Variants in TACC2 observed in about 807,000 individuals in gnomAD.
TACC2 encodes transforming acidic coiled-coil-containing protein 2.
TACC2 carries 137 observed loss-of-function variants against 227.3 expected under a neutral mutation model. The observed-to-expected ratio is 0.60, with a 90% CI of 0.52 to 0.69. The LOEUF is 0.69. Ranked by LOEUF, TACC2 falls within the 30% of genes least tolerant of loss-of-function variation. TACC2 has a pLI of 0.00. For synonymous variants in TACC2, 1,523 were observed against 1,487.5 expected, an observed-to-expected ratio of 1.02 and a Z score of -0.55; for missense variants, 3,470 against 3,694.4, an observed-to-expected ratio of 0.94 and a Z score of 1.57.
In TACC2 at chr10:121,990,227, G is replaced by A. The variant is rs527383202; in HGVS notation, c.-46+739G>A. On this transcript the variant is annotated intron_variant, in intron 1 of 22. Transcript: ENST00000369005. ...CCGGGCTAACGCAATCCTCCCACCA[G>A]GAGCAATCCTCTCAAGTAGTTGGAA... 2.6e-5 allele frequency among the ~76,000 whole-genome samples: 4 copies of A among 151,754 alleles called. No homozygotes were observed. The South Asian group carries it at 8.3e-4, about 32-fold the overall frequency.
intron 22 of TACC2, among the ~76,000 whole-genome samples, chr10:122,250,829 C>G (rs2096240646): frequency 1.3e-5 from 2 of 152,038 alleles, no homozygotes; most frequent in Non-Finnish European, 2.9e-5. Flanking sequence ...TGATACTCAC[C>G]CAGTCTCCAC....
At chr10:122,196,942 A>AAC in intron 8 of TACC2, among the ~76,000 whole-genome samples, 1 of 150,316 alleles carries the variant, frequency 6.7e-6, no homozygotes, top group South Asian at 2.1e-4. Context: ...TCAAAAAAAA[A>AAC]AAAAAAAAAC....
chr10:122,091,816 G>A (rs1267196695), intron 5 of TACC2, among the ~76,000 whole-genome samples: 3 of 152,216 alleles, frequency 2.0e-5, no homozygotes, highest in African/African-American at 7.2e-5. Context: ...GAGGCTGGGT[G>A]ACCAGACTTC....
intron 19 of TACC2, among the ~76,000 whole-genome samples, chr10:122,246,056 A>G (rs1405247669): frequency 6.6e-6 from 1 of 152,094 alleles, no homozygotes; most frequent in Non-Finnish European, 1.5e-5. Context: ...TCGCAGAGGC[A>G]GGTGGGAAGG....
chr10:122,207,710 T>C (rs1297153941), intron 8 of TACC2, among the ~76,000 whole-genome samples: 1 of 152,238 alleles, frequency 6.6e-6, no homozygotes, highest in East Asian at 1.9e-4. Flanking sequence ...AAAGCCATGC[T>C]AAGCAGGCAG....
chr10:122,066,915 A>G (rs2077451253), intron 3 of TACC2, among the ~76,000 whole-genome samples: 1 of 152,178 alleles, frequency 6.6e-6, no homozygotes, highest in South Asian at 2.1e-4. Context: ...CTACTTTCAC[A>G]ATGATTATAT....
chr10:122,017,818 C>CAAAAAAAAAA (rs5788525), intron 1 of TACC2, among the ~76,000 whole-genome samples: 8 of 74,930 alleles, frequency 1.1e-4, no homozygotes, highest in Admixed American at 1.8e-4. Flanking sequence ...GAAACTGTCT[C>CAAAAAAAAAA]AAAAAAAAAA....
At chr10:122,202,438 GATT>G (rs1160663024) in intron 8 of TACC2, among the ~76,000 whole-genome samples, 2 of 141,662 alleles carry the variant, frequency 1.4e-5, no homozygotes, top group East Asian at 4.1e-4. Context: ...GAGGTCCTCT[GATT>G]GTTCTTTATT....
At chr10:122,121,165 G>A (rs2085705902) in intron 5 of TACC2, among the ~76,000 whole-genome samples, 1 of 152,232 alleles carries the variant, frequency 6.6e-6, no homozygotes, top group South Asian at 2.1e-4. Context: ...GTGCAGGAGA[G>A]GCGGGAGGGA....
intron 1 of TACC2, among the ~76,000 whole-genome samples, chr10:122,007,181 A>C (rs35855698): frequency 0.31 from 47,443 of 151,820 alleles, 7,724 homozygotes; most frequent in African/African-American, 0.34. Flanking sequence ...ATTTTTTTTA[A>C]TGTCGTTTAT....
chr10:122,106,613 C>T (rs1048623879), intron 5 of TACC2, among the ~76,000 whole-genome samples: 4 of 152,210 alleles, frequency 2.6e-5, no homozygotes, highest in African/African-American at 9.6e-5. Context: ...TTGTATTCTG[C>T]AGGACTCCTT....
chr10:122,132,322 G>C (rs931548052), intron 5 of TACC2, among the ~76,000 whole-genome samples: 2 of 152,206 alleles, frequency 1.3e-5, no homozygotes, highest in African/African-American at 4.8e-5. Flanking sequence ...GAGGCATGCA[G>C]ATCACCTGAA....
chr10:122,089,559 G>T (rs531071637), intron 5 of TACC2, among the ~76,000 whole-genome samples: 2 of 152,234 alleles, frequency 1.3e-5, no homozygotes, highest in Non-Finnish European at 2.9e-5. Context: ...TGGGGAAATG[G>T]TGATATTGTG....
chr10:122,116,327 G>T lies in TACC2; in HGVS notation c.5574-16282G>T, dbSNP rs548165138. On this transcript the variant is annotated intron_variant, in intron 5 of 22. Transcript: ENST00000369005. ...CTATCCACAGTGTTATAGAGTTTCA[G>T]TCTGTCACTTTGCAAGTGTATTCAT... Among the ~76,000 whole-genome samples the T allele has an allele frequency of 6.1e-4, 93 of 152,306 alleles. 2 individuals carry two copies. The South Asian group carries it at 0.013, about 21-fold the overall frequency.
chr10:122,035,418 A>T (rs753071635), intron 2 of TACC2, among the ~76,000 whole-genome samples: 4 of 152,186 alleles, frequency 2.6e-5, no homozygotes, highest in Non-Finnish European at 4.4e-5. Flanking sequence ...AATACATTTG[A>T]ATCTTTATTA....
intron 2 of TACC2, among the ~76,000 whole-genome samples, chr10:122,049,277 C>G (rs2075401563): frequency 6.6e-6 from 1 of 152,180 alleles, no homozygotes; most frequent in Non-Finnish European, 1.5e-5. Flanking sequence ...GGCATCTCGG[C>G]TTTTCTCTGC....
At chr10:122,037,910 TTTTGTTTG>T (rs144221132) in intron 2 of TACC2, among the ~76,000 whole-genome samples, 75 of 151,256 alleles carry the variant, frequency 5.0e-4, no homozygotes, top group Middle Eastern at 6.8e-3. Context: ...TTTTGTTGGT[TTTTGTTTG>T]TTTGTTTGTT....
intron 8 of TACC2, among the ~76,000 whole-genome samples, chr10:122,195,388 G>GC (rs1374805863): frequency 1.4e-5 from 2 of 144,946 alleles, no homozygotes; most frequent in African/African-American, 5.7e-5. Context: ...CAGAATTTTA[G>GC]GGGGGGCCTC....
intron 5 of TACC2, among the ~76,000 whole-genome samples, chr10:122,097,035 T>C (rs2081520755): frequency 6.6e-6 from 1 of 152,070 alleles, no homozygotes; most frequent in Non-Finnish European, 1.5e-5. Flanking sequence ...GAATAAAAAC[T>C]TGCCTGGTTG....
Sources: allele counts gnomAD v4.1 joint callset (sites outside exome capture counted in the v4.1 genomes callset), GRCh38; gene constraint gnomAD v4.1.1; transcripts MANE v1.5; gene names NCBI Gene and HGNC (gene_info 2026-07-23, HGNC 2026-07-21).